Variants in ALDOB observed in about 807,000 individuals in gnomAD.
ALDOB encodes the protein fructose-bisphosphate aldolase B.
In ALDOB, 39 loss-of-function variants were observed where a neutral mutation model predicts 41.0. That is an observed-to-expected ratio of 0.95 (90% CI 0.74 to 1.24). ALDOB has a LOEUF of 1.24. Among genes scored for constraint, ALDOB ranks in the 50% most tolerant of loss-of-function variants. ALDOB has a pLI of 0.00. For synonymous variants in ALDOB, 175 were observed against 168.8 expected, an observed-to-expected ratio of 1.04 and a Z score of -0.28; for missense variants, 530 against 457.3, an observed-to-expected ratio of 1.16 and a Z score of -1.45.
intron 1 of ALDOB, among the ~76,000 whole-genome samples, chr9:101,432,962 G>A (rs144372617): frequency 2.0e-5 from 3 of 152,334 alleles, no homozygotes; most frequent in Non-Finnish European, 4.4e-5. Context: ...TAGCAGATCA[G>A]ACAGACCTAG....
At chr9:101,425,424 C>A (rs1376947730) in intron 7 of ALDOB, 29 bp downstream of exon 7, 2 of 1,613,106 alleles carry the variant, frequency 1.2e-6, no homozygotes, top group Non-Finnish European at 8.5e-7. Context: ...GGGCTAAGAC[C>A]TTGAGTTAGA....
chr9:101,424,791 C>A, intron 8 of ALDOB, 52 bp downstream of exon 8: 1 of 1,602,622 alleles, frequency 6.2e-7, no homozygotes, highest in South Asian at 1.1e-5. Flanking sequence ...GTTGGAAAGT[C>A]AAGCCCCAAA....
At chr9:101,434,275 G>A (rs1831260043) in intron 1 of ALDOB, among the ~76,000 whole-genome samples, 1 of 152,130 alleles carries the variant, frequency 6.6e-6, no homozygotes, top group Non-Finnish European at 1.5e-5. Flanking sequence ...TGTCTGATGT[G>A]CCTTCTAAGT....
At chr9:101,423,402 G>A (rs891136651) in intron 8 of ALDOB, among the ~76,000 whole-genome samples, 1 of 152,158 alleles carries the variant, frequency 6.6e-6, no homozygotes, top group Non-Finnish European at 1.5e-5. Flanking sequence ...CAGGAATGAA[G>A]CTACCACACA....
In ALDOB at chr9:101,421,365, C is replaced by T. The variant is rs144337754; in HGVS notation, c.*444G>A. 13 of 271,696 alleles carry T rather than the reference C, an allele frequency of 4.8e-5. No individual in the cohort carries two copies. In the Middle Eastern group the frequency reaches 5.5e-3, roughly 115 times the overall value. 16.8% of individuals were successfully genotyped at this position (271,696 alleles called of 1,614,324 possible). On this transcript the variant is annotated 3_prime_UTR_variant, in exon 9 of 9. Coordinates refer to ENST00000647789, the MANE Select transcript of ALDOB (RefSeq NM_000035.4). ...GACAGCAAGAGCAGAAAAGTGAAAC[C>T]CGATAGCAGCTGAAGGTTTATAGAA...
At chr9:101,427,349 T>C in intron 5 of ALDOB, 133 bp downstream of exon 5, 2 of 1,196,008 alleles carry the variant, frequency 1.7e-6, no homozygotes, top group Non-Finnish European at 1.2e-6. Context: ...ATAGCAAAAG[T>C]TGTGAAAAAT....
At chr9:101,428,645 C>T (rs551627115) in intron 3 of ALDOB, 122 bp from the exon 4 acceptor site, 15 of 862,232 alleles carry the variant, frequency 1.7e-5, no homozygotes, top group South Asian at 4.0e-5. Context: ...TGTATTAGTG[C>T]GAGGGACCCA....
In ALDOB at chr9:101,433,616, A is replaced by G. The variant is rs116858655; in HGVS notation, c.-11+2093T>C. On this transcript the variant is annotated intron_variant, in intron 1 of 8. Coordinates refer to ENST00000647789, the MANE Select transcript of ALDOB (RefSeq NM_000035.4). ...AATGAAAAACAAGTTTCAGAGAAGT[A>G]TGCAATATATACTGTCCTCCTATTT... Among the ~76,000 whole-genome samples, 690 of 152,358 alleles carry G rather than the reference A, an allele frequency of 4.5e-3. 2 individuals are homozygous for G. The highest frequency in any genetic ancestry group is 7.5e-3 in the Non-Finnish European group (507 of 68,038).
At chr9:101,422,004 AT>A in intron 8 of ALDOB, 100 bp from the exon 9 acceptor site, 1 of 994,400 alleles carries the variant, frequency 1.0e-6, no homozygotes, top group East Asian at 2.5e-5. Context: ...CTTCACTCAG[AT>A]TTTCTTCTTT....
chr9:101,424,511 G>A (rs147031198), intron 8 of ALDOB, among the ~76,000 whole-genome samples: 123 of 152,164 alleles, frequency 8.1e-4, no homozygotes, highest in African/African-American at 2.6e-3. Context: ...CAATATAATC[G>A]CTGCTTTTCT....
At chr9:101,427,446 C>A (rs41281037) in intron 5 of ALDOB, 36 bp downstream of exon 5, 3 of 1,613,210 alleles carry the variant, frequency 1.9e-6, no homozygotes, top group Non-Finnish European at 2.5e-6. Context: ...AAAACTCTAG[C>A]CTACTCTTTT....
At position 101,424,879 on chromosome 9, in the gene ALDOB, C is replaced by A; in HGVS notation, c.963G>T (p.Lys321Asn). 1 of 1,613,752 alleles carries A rather than the reference C, an allele frequency of 6.2e-7. No homozygotes were observed. Among genetic ancestry groups the A allele is most frequent in the Non-Finnish European group, 8.5e-7 (1 of 1,180,018 alleles). Residue 321 changes from lysine (K) to asparagine (N), a missense_variant, in exon 8 of 9, where the codon AAG becomes AAT. Coordinates refer to ENST00000647789, the MANE Select transcript of ALDOB (RefSeq NM_000035.4). Reference protein sequence around the residue: ...LAAWGGKAANKEATQEAFMKR... With the variant: ...LAAWGGKAANNEATQEAFMKR... ...TCATAAAAGCCTCCTGGGTTGCCTC[C>A]TTGTTTGCAGCCTTGCCACCCCAGG...
intron 1 of ALDOB, 61 bp from the exon 2 acceptor site, chr9:101,430,958 C>A (rs1235052597): frequency 8.6e-7 from 1 of 1,167,302 alleles, no homozygotes; most frequent in African/African-American, 1.5e-5. Context: ...GGATGCATGA[C>A]CAAGACAGTT....
At chr9:101,434,932 T>G (rs1307483894) in intron 1 of ALDOB, among the ~76,000 whole-genome samples, 2 of 152,192 alleles carry the variant, frequency 1.3e-5, no homozygotes, top group Non-Finnish European at 2.9e-5. Context: ...CCTAGGTAAC[T>G]ATTTAAAGAG....
intron 2 of ALDOB, 70 bp from the exon 3 acceptor site, chr9:101,430,036 T>C (rs1831195209): frequency 1.5e-6 from 2 of 1,313,362 alleles, no homozygotes; most frequent in Admixed American, 1.7e-5. Context: ...CTCCACATCA[T>C]CTCAGAGACC....
At chr9:101,428,674 G>T (rs1831167388) in intron 3 of ALDOB, 151 bp from the exon 4 acceptor site, 1 of 746,506 alleles carries the variant, frequency 1.3e-6, no homozygotes, top group African/African-American at 1.7e-5. Flanking sequence ...CATAGCAGAA[G>T]GGAAGTTACC....
Position 101,430,911 on chromosome 9 carries a change from T to C in ALDOB, c.-10-14A>G, listed in dbSNP as rs1475263450. The stretch of plus-strand genomic sequence containing the variant: ...ATGGTGACAGGTCTGGAAAAGAGTG[T>C]GCGAGAGTTGTGCACAGAACCATGG... On this transcript the variant is annotated splice_polypyrimidine_tract_variant and intron_variant, in intron 1 of 8. Transcript: ENST00000647789. 3.2e-6 allele frequency: 5 copies of C among 1,572,306 alleles called. No individual in the cohort carries two copies. The highest frequency in any genetic ancestry group is 2.6e-6 in the Non-Finnish European group (3 of 1,142,042).
intron 2 of ALDOB, 97 bp from the exon 3 acceptor site, chr9:101,430,063 G>T: frequency 9.1e-7 from 1 of 1,101,704 alleles, no homozygotes; most frequent in African/African-American, 1.5e-5. Flanking sequence ...ACAGTGGAAA[G>T]CAAGACTTTC....
intron 2 of ALDOB, among the ~76,000 whole-genome samples, chr9:101,430,229 C>T (rs1831197758): frequency 6.6e-6 from 1 of 152,164 alleles, no homozygotes; most frequent in African/African-American, 2.4e-5. Flanking sequence ...GGAAGGCCCT[C>T]AGGCCTCTCT....
Sources: allele counts gnomAD v4.1 joint callset (sites outside exome capture counted in the v4.1 genomes callset), GRCh38; gene constraint gnomAD v4.1.1; transcripts MANE v1.5; gene names NCBI Gene and HGNC (gene_info 2026-07-23, HGNC 2026-07-21).